Variants in OSBPL6 observed in about 807,000 individuals in gnomAD.
OSBPL6 encodes oxysterol-binding protein-related protein 6.
A neutral mutation model predicts 125.8 loss-of-function variants in OSBPL6; 49 were observed. The ratio of observed to expected loss-of-function variants is 0.39; its 90% CI spans 0.31 to 0.49. OSBPL6 has a LOEUF of 0.49. OSBPL6 is among the 20% of genes least tolerant of loss of function. The pLI, the probability that OSBPL6 is intolerant of heterozygous loss-of-function variation, is 0.88. For synonymous variants in OSBPL6, 394 were observed against 391.8 expected (o/e 1.01, Z -0.07); for missense variants, 986 against 1,135.4 (o/e 0.87, Z 1.89).
In OSBPL6 at chr2:178,332,736, G is replaced by A; in HGVS notation, c.468G>A (p.Glu156=). The A allele has an allele frequency of 1.9e-5, 31 of 1,614,070 alleles. No individual in the cohort carries two copies. The highest frequency in any genetic ancestry group is 2.6e-5 in the Non-Finnish European group (31 of 1,179,938). ...KARRIDLDTE[E]HIYHLKVKSQ... ...GAAGAATAGACCTTGACACCGAAGA[G>A]CACATCTATCATTTGAAGGTGAAAT... Residue 156 remains glutamate (E), a synonymous_variant, in exon 7 of 25, where the codon GAG becomes GAA. Transcript: ENST00000190611.
At chr2:178,239,941 T>TA (rs80321811) in intron 1 of OSBPL6, among the ~76,000 whole-genome samples, 1 of 152,092 alleles carries the variant, frequency 6.6e-6, no homozygotes, top group African/African-American at 2.4e-5. Context: ...CTTCATTTTT[T>TA]AAAAAAATCA....
chr2:178,296,599 G>A (rs1377612811), intron 2 of OSBPL6, among the ~76,000 whole-genome samples: 1 of 152,152 alleles, frequency 6.6e-6, no homozygotes, highest in African/African-American at 2.4e-5. Context: ...GCATTCACAT[G>A]GCATAGATAC....
intron 4 of OSBPL6, among the ~76,000 whole-genome samples, chr2:178,327,697 A>T (rs1380758927): frequency 6.6e-6 from 1 of 152,130 alleles, no homozygotes; most frequent in Non-Finnish European, 1.5e-5. Context: ...GAAAGCACGA[A>T]GTTCTTTGGT....
chr2:178,339,082 T>C lies in OSBPL6; in HGVS notation c.882T>C (p.Phe294=), dbSNP rs750028671. Residue 294 remains phenylalanine, a synonymous_variant, in exon 10 of 25, where the codon TTT becomes TTC. Transcript: ENST00000190611. ...ILQRTQSAPN[F]TDMQANCVDI... The stretch of plus-strand genomic sequence containing the variant: ...AGAGAACTCAGTCGGCACCTAACTT[T>C]ACTGACATGCAGGTAAACATATTCC... 1 of 1,603,482 alleles carries C rather than the reference T, an allele frequency of 6.2e-7. No homozygotes were observed.
At chr2:178,251,211 C>T (rs1382050427) in intron 1 of OSBPL6, among the ~76,000 whole-genome samples, 2 of 152,146 alleles carry the variant, frequency 1.3e-5, no homozygotes, top group Non-Finnish European at 2.9e-5. Context: ...GAGCCAGATT[C>T]CTGCTCTTGT....
At chr2:178,301,058 A>G (rs1402720288) in intron 2 of OSBPL6, among the ~76,000 whole-genome samples, 1 of 152,110 alleles carries the variant, frequency 6.6e-6, no homozygotes, top group African/African-American at 2.4e-5. Context: ...TACTTCACTA[A>G]AATTAGATTT....
intron 1 of OSBPL6, among the ~76,000 whole-genome samples, chr2:178,212,837 T>A (rs1161681256): frequency 6.6e-6 from 1 of 151,862 alleles, no homozygotes; most frequent in African/African-American, 2.4e-5. Context: ...GAGATGAGTC[T>A]TTCTTTGTCA....
intron 1 of OSBPL6, among the ~76,000 whole-genome samples, chr2:178,231,869 A>T (rs1051667484): frequency 6.6e-6 from 1 of 152,050 alleles, no homozygotes; most frequent in African/African-American, 2.4e-5. Flanking sequence ...TGGCTACATT[A>T]CCCAGGCTGG....
intron 3 of OSBPL6, among the ~76,000 whole-genome samples, chr2:178,312,873 C>T (rs1687412389): frequency 6.6e-6 from 1 of 152,010 alleles, no homozygotes; most frequent in South Asian, 2.1e-4. Flanking sequence ...TCCATAATTA[C>T]TTTTATGCTT....
chr2:178,289,789 A>G (rs184624341), intron 2 of OSBPL6, among the ~76,000 whole-genome samples: 36 of 152,278 alleles, frequency 2.4e-4, no homozygotes, highest in African/African-American at 7.5e-4. Context: ...AACTTTCCAC[A>G]TACTAGGTTT....
Position 178,399,958 on chromosome 2 carries a change from G to A in OSBPL6, c.*4399G>A, listed in dbSNP as rs1006328992. 6.6e-6 allele frequency: 1 copy of A among 151,970 alleles called. No homozygotes were observed. Among genetic ancestry groups the A allele is most frequent in the South Asian group, 2.1e-4 (1 of 4,830 alleles). The allele number at this position is 151,970 out of a possible 1,614,324, so 9.4% of individuals were successfully genotyped here. On this transcript the variant is annotated 3_prime_UTR_variant, in exon 25 of 25. Transcript: ENST00000190611. Reference sequence around the variant, plus strand: ...TAAGAAAAAAACATAAAACAAAAATGTTCTTATTTTCTGCAATTTTTTTTT... The same window carrying A: ...TAAGAAAAAAACATAAAACAAAAATATTCTTATTTTCTGCAATTTTTTTTT...
At chr2:178,378,198 A>G (rs1273989463) in intron 15 of OSBPL6, among the ~76,000 whole-genome samples, 3 of 152,026 alleles carry the variant, frequency 2.0e-5, no homozygotes, top group Admixed American at 1.3e-4. Context: ...TTAAATATAT[A>G]TATATTTCCT....
At chr2:178,218,006 A>G (rs753627260) in intron 1 of OSBPL6, among the ~76,000 whole-genome samples, 2 of 152,206 alleles carry the variant, frequency 1.3e-5, no homozygotes, top group Non-Finnish European at 2.9e-5. Flanking sequence ...CAGGTTCAAT[A>G]GGGTTTTTGA....
intron 1 of OSBPL6, among the ~76,000 whole-genome samples, chr2:178,266,843 G>C (rs1231012020): frequency 6.6e-6 from 1 of 151,996 alleles, no homozygotes; most frequent in Non-Finnish European, 1.5e-5. Context: ...GCTTTTTCCT[G>C]GTACTTTTAA....
chr2:178,316,498 A>G (rs1038699381), intron 3 of OSBPL6, among the ~76,000 whole-genome samples: 17 of 152,306 alleles, frequency 1.1e-4, no homozygotes, highest in African/African-American at 3.4e-4. Flanking sequence ...TGAATATTTA[A>G]TGCTGTGGGA....
At chr2:178,249,143 T>C (rs1465768358) in intron 1 of OSBPL6, among the ~76,000 whole-genome samples, 1 of 152,206 alleles carries the variant, frequency 6.6e-6, no homozygotes, top group Non-Finnish European at 1.5e-5. Flanking sequence ...TTTCACCATG[T>C]TGGCCAGGCT....
chr2:178,296,346 G>A (rs1469236365), intron 2 of OSBPL6, among the ~76,000 whole-genome samples: 1 of 152,128 alleles, frequency 6.6e-6, no homozygotes, highest in Admixed American at 6.6e-5. Flanking sequence ...TATAGATGAG[G>A]AAACTGAAGC....
At chr2:178,364,614 G>A (rs781577875) in intron 13 of OSBPL6, among the ~76,000 whole-genome samples, 11 of 152,094 alleles carry the variant, frequency 7.2e-5, no homozygotes, top group Admixed American at 3.9e-4. Flanking sequence ...TGGATAACTG[G>A]GTATGTGAAA....
intron 4 of OSBPL6, among the ~76,000 whole-genome samples, chr2:178,324,936 G>A (rs72951368): frequency 6.6e-6 from 1 of 152,308 alleles, no homozygotes; most frequent in Non-Finnish European, 1.5e-5. Flanking sequence ...TGTATATTCT[G>A]GCTTCTAGGC....
Sources: allele counts gnomAD v4.1 joint callset (sites outside exome capture counted in the v4.1 genomes callset), GRCh38; gene constraint gnomAD v4.1.1; transcripts MANE v1.5; gene names NCBI Gene and HGNC (gene_info 2026-07-23, HGNC 2026-07-21).